Variants in SYN3 observed in about 807,000 individuals in gnomAD.
SYN3 encodes the protein synapsin-3.
A neutral mutation model predicts 65.8 loss-of-function variants in SYN3; 35 were observed. The ratio of observed to expected loss-of-function variants is 0.53; its 90% CI spans 0.41 to 0.70. SYN3 has a LOEUF of 0.70. Ranked by LOEUF, SYN3 falls within the 30% of genes least tolerant of loss-of-function variation. The pLI is 0.00. For synonymous variants in SYN3, 270 were observed against 292.9 expected (o/e 0.92, Z 0.80); for missense variants, 680 against 749.0 (o/e 0.91, Z 1.08).
At chr22:33,007,914 AT>A (rs1230685376) in intron 1 of SYN3, among the ~76,000 whole-genome samples, 1 of 151,338 alleles carries the variant, frequency 6.6e-6, no homozygotes, top group Non-Finnish European at 1.5e-5. Context: ...TAGATTTTAT[AT>A]TTTTTGTTAA....
intron 6 of SYN3, among the ~76,000 whole-genome samples, chr22:32,742,615 A>G (rs1311778481): frequency 6.6e-6 from 1 of 152,174 alleles, no homozygotes; most frequent in Non-Finnish European, 1.5e-5. Flanking sequence ...CAGAGTAGAA[A>G]AGCAATTCAG....
chr22:32,908,596 G>C lies in SYN3; in HGVS notation c.461+22794C>G, dbSNP rs570584685. Among the ~76,000 whole-genome samples the C allele has an allele frequency of 2.3e-4, 35 of 152,218 alleles. No individual in the cohort carries two copies. The South Asian group carries it at 7.2e-3, about 32-fold the overall frequency. On this transcript the variant is annotated intron_variant, in intron 4 of 13. Transcript: ENST00000358763. ...CCACAGATTGGCAAATTATAGCCCA[G>C]AGGTCCTATCTGGCTTATCACCTGT...
chr22:32,588,955 C>T (rs2059090008), intron 7 of SYN3, among the ~76,000 whole-genome samples: 1 of 152,202 alleles, frequency 6.6e-6, no homozygotes, highest in Non-Finnish European at 1.5e-5. Context: ...AAGTTACTGC[C>T]TCTTTCCATG....
At chr22:32,657,624 G>A (rs1228089874) in intron 6 of SYN3, among the ~76,000 whole-genome samples, 7 of 152,230 alleles carry the variant, frequency 4.6e-5, no homozygotes, top group African/African-American at 1.7e-4. Flanking sequence ...GCATCATTCT[G>A]AGAACAAGGC....
intron 6 of SYN3, among the ~76,000 whole-genome samples, chr22:32,599,924 A>C (rs1320004197): frequency 1.3e-5 from 2 of 152,196 alleles, no homozygotes; most frequent in East Asian, 3.9e-4. Flanking sequence ...CATGGCAGGA[A>C]GCTGTGGGGT....
chr22:32,706,215 A>T (rs997009486), intron 6 of SYN3, among the ~76,000 whole-genome samples: 3 of 152,030 alleles, frequency 2.0e-5, no homozygotes, highest in African/African-American at 7.2e-5. Context: ...GATGGCTCTT[A>T]TTATTTTGAG....
chr22:32,712,155 C>T (rs917521528), intron 6 of SYN3, among the ~76,000 whole-genome samples: 5 of 152,198 alleles, frequency 3.3e-5, no homozygotes, highest in African/African-American at 4.8e-5. Context: ...CTTGGTCTTT[C>T]CCCTGCCACT....
At chr22:32,862,443 G>C (rs888848679) in intron 6 of SYN3, 2 of 152,142 alleles carry the variant, frequency 1.3e-5, no homozygotes, top group Admixed American at 1.3e-4. Context: ...AGAAACAAAT[G>C]ACTTTTTGGA....
At chr22:32,694,438 C>G (rs1451733113) in intron 6 of SYN3, among the ~76,000 whole-genome samples, 1 of 152,194 alleles carries the variant, frequency 6.6e-6, no homozygotes, top group African/African-American at 2.4e-5. Flanking sequence ...TGAATGCTTA[C>G]TTTCTACAGC....
chr22:32,960,498 C>T (rs1569358757), intron 3 of SYN3, among the ~76,000 whole-genome samples: 1 of 152,238 alleles, frequency 6.6e-6, no homozygotes, highest in Non-Finnish European at 1.5e-5. Flanking sequence ...CCCTGTGCCC[C>T]CCGCCTGCAT....
intron 6 of SYN3, among the ~76,000 whole-genome samples, chr22:32,778,469 T>G (rs1002074858): frequency 6.6e-5 from 10 of 152,060 alleles, no homozygotes; most frequent in Non-Finnish European, 1.5e-4. Context: ...TTGTATTTTT[T>G]TTTTAGTAGA....
intron 2 of SYN3, among the ~76,000 whole-genome samples, chr22:32,998,776 T>TAAAAAAAAAAAAAAAA (rs34372968): frequency 2.6e-4 from 21 of 81,980 alleles, no homozygotes; most frequent in African/African-American, 5.4e-4. Flanking sequence ...ATAGAAATAG[T>TAAAAAAAAAAAAAAAA]AAAAAAAAAA....
At chr22:32,656,227 G>A (rs2060140756) in intron 6 of SYN3, among the ~76,000 whole-genome samples, 2 of 152,128 alleles carry the variant, frequency 1.3e-5, no homozygotes, top group South Asian at 2.1e-4. Context: ...CAGTGGTTAT[G>A]AGTCAAACAT....
intron 7 of SYN3, among the ~76,000 whole-genome samples, chr22:32,591,232 A>C (rs908263139): frequency 6.6e-6 from 1 of 151,502 alleles, no homozygotes; most frequent in Non-Finnish European, 1.5e-5. Flanking sequence ...ATATGGCTGC[A>C]TTTAAAAAAA....
At position 32,925,520 on chromosome 22, in the gene SYN3, C is replaced by G. The variant is rs1237130830; in HGVS notation, c.461+5870G>C. Among the ~76,000 whole-genome samples, 6 of 152,138 alleles carry G rather than the reference C, an allele frequency of 3.9e-5. No homozygotes were observed. The East Asian group carries it at 7.7e-4, about 20-fold the overall frequency. ...ATTTCTGTAACTTTATTTTTGTAAA[C>G]AATGTTGTAAATTCAGGAAGAATAT... On this transcript the variant is annotated intron_variant, in intron 4 of 13. Coordinates refer to ENST00000358763, the MANE Select transcript of SYN3 (RefSeq NM_003490.4).
chr22:33,012,810 C>A (rs2053380431), intron 1 of SYN3, among the ~76,000 whole-genome samples: 1 of 152,268 alleles, frequency 6.6e-6, no homozygotes, highest in South Asian at 2.1e-4. Flanking sequence ...CACTTGAGTT[C>A]CAGCTGCTCC....
chr22:32,559,841 A>AG (rs927004416), intron 7 of SYN3, among the ~76,000 whole-genome samples: 1 of 151,908 alleles, frequency 6.6e-6, no homozygotes, highest in Non-Finnish European at 1.5e-5. Flanking sequence ...ACAAAAAAAA[A>AG]AAAAAAGAAA....
chr22:32,849,431 T>G (rs1569273709), intron 6 of SYN3: 1 of 1,611,548 alleles, frequency 6.2e-7, no homozygotes, highest in East Asian at 2.2e-5. Flanking sequence ...AACCTCTTAT[T>G]GTCTCCTTCT....
At chr22:32,653,046 G>T (rs1347984350) in intron 6 of SYN3, among the ~76,000 whole-genome samples, 4 of 152,120 alleles carry the variant, frequency 2.6e-5, no homozygotes, top group Admixed American at 2.6e-4. Context: ...CCCTCTGTGG[G>T]TGCTTTGCTC....
Sources: gnomAD v4.1 joint callset for allele counts (sites outside exome capture counted in the v4.1 genomes callset) on GRCh38, gnomAD v4.1.1 for gene constraint, MANE v1.5 for transcripts, NCBI Gene and HGNC (gene_info 2026-07-23, HGNC 2026-07-21) for gene names.